The following PRODH2 variants were observed in gnomAD, a reference collection of about 807,000 sequenced individuals.
PRODH2 encodes the protein hydroxyproline dehydrogenase.
PRODH2 carries 49 observed loss-of-function variants against 51.9 expected under a neutral mutation model. The observed-to-expected ratio is 0.94, with a 90% CI of 0.75 to 1.20. PRODH2 has a LOEUF of 1.20. Ranked by LOEUF, PRODH2 falls within the 50% of genes most tolerant of loss-of-function variation. The probability of loss-of-function intolerance (pLI) is 0.00; values close to 1 mark genes in which losing one functional copy is unlikely to be tolerated. For missense variants in PRODH2, 597 were observed against 610.9 expected (o/e 0.98, Z 0.24); for synonymous variants, 249 against 260.7 (o/e 0.96, Z 0.43).
intron 9 of PRODH2, 145 bp downstream of exon 9, chr19:35,802,046 G>C: frequency 1.4e-6 from 1 of 717,228 alleles, no homozygotes; most frequent in South Asian, 1.7e-5. Flanking sequence ...CAGAGACACA[G>C]CCTTGGAAGG....
intron 4 of PRODH2, among the ~76,000 whole-genome samples, chr19:35,811,569 G>A (rs1972612100): frequency 6.6e-6 from 1 of 151,936 alleles, no homozygotes; most frequent in Non-Finnish European, 1.5e-5. Context: ...AAAAAAAGAT[G>A]GAGTAGGGTT....
chr19:35,801,973 AC>A lies in PRODH2; in HGVS notation c.1198+217del, dbSNP rs1279596889. The A allele has an allele frequency of 5.3e-6, 3 of 568,816 alleles. No individual in the cohort carries two copies. In the African/African-American group the frequency reaches 5.6e-5, roughly 11 times the overall value. The allele number at this position is 568,816 out of a possible 1,614,324, so 35.2% of individuals were successfully genotyped here. A position where few individuals can be genotyped will look rare whatever the true frequency, so the allele number is the denominator to read the frequency against. ...CCTGAGGAGCAGCACAGTAAAGATAACAAAACACACAAGAAATAATACACCA... is the reference window on the plus strand; with the variant it reads ...CCTGAGGAGCAGCACAGTAAAGATAAAAAACACACAAGAAATAATACACCA... On this transcript the variant is annotated intron_variant, in intron 9 of 9. Coordinates refer to ENST00000653904, the MANE Select transcript of PRODH2 (RefSeq NM_021232.2).
At chr19:35,802,869 C>T in intron 8 of PRODH2, 99 bp downstream of exon 8, 2 of 842,868 alleles carry the variant, frequency 2.4e-6, no homozygotes, top group Non-Finnish European at 3.6e-6. Flanking sequence ...TAAAATTCTC[C>T]CCAGAACACC....
intron 4 of PRODH2, among the ~76,000 whole-genome samples, chr19:35,808,183 G>A (rs1015625469): frequency 2.0e-5 from 3 of 152,204 alleles, no homozygotes; most frequent in South Asian, 2.1e-4. Flanking sequence ...CAAACACTTC[G>A]GGAGTGGATA....
chr19:35,803,109 G>T, intron 7 of PRODH2, 31 bp from the exon 8 acceptor site: 1 of 1,464,044 alleles, frequency 6.8e-7, no homozygotes, highest in Non-Finnish European at 9.2e-7. Flanking sequence ...CAGCTCACCT[G>T]GTGAGCGAGG....
chr19:35,807,260 G>C, intron 4 of PRODH2, 139 bp from the exon 5 acceptor site: 1 of 791,900 alleles, frequency 1.3e-6, no homozygotes, highest in South Asian at 1.8e-5. Flanking sequence ...ACCACCTACT[G>C]TGTGACCTTG....
chr19:35,812,784 G>A lies in PRODH2; in HGVS notation c.22C>T (p.Leu8Phe), dbSNP rs539737639. The A allele has an allele frequency of 1.2e-6, 2 of 1,602,992 alleles. No individual in the cohort carries two copies. The highest frequency in any genetic ancestry group is 1.3e-5 in the African/African-American group (1 of 74,788). The part of the protein sequence containing the change: MLRTCYV[L>F]CSQAGPPSRG... ...GAGGGGGGACCAGCTTGGGAACAGAGCACGTAACAGGTCCGGAGCATCCTG... is the reference window on the plus strand; with the variant it reads ...GAGGGGGGACCAGCTTGGGAACAGAACACGTAACAGGTCCGGAGCATCCTG... Residue 8 changes from leucine to phenylalanine, a missense_variant, in exon 1 of 10, where the codon CTC (leucine) becomes TTC (phenylalanine). Transcript: ENST00000653904.
At position 35,812,699 on chromosome 19, in the gene PRODH2, T is replaced by A; in HGVS notation, c.107A>T (p.Glu36Val). ...GGAFHLKGTG[E>V]LTRALLVLRL... ...GAGAACCAGCAAGGCCCGTGTCAGC[T>A]CTCCTGTGCCCTTAAGGTGGAAGGC... The change falls in exon 1 of 10, where the codon GAG becomes GTG. Residue 36 changes from glutamate (E) to valine (V), a missense_variant. Coordinates refer to ENST00000653904, the MANE Select transcript of PRODH2 (RefSeq NM_021232.2). The A allele has an allele frequency of 1.2e-6, 2 of 1,609,782 alleles. No homozygotes were observed. The highest frequency in any genetic ancestry group is 1.7e-6 in the Non-Finnish European group (2 of 1,177,222).
intron 4 of PRODH2, among the ~76,000 whole-genome samples, chr19:35,810,161 G>A (rs1972585475): frequency 2.0e-5 from 3 of 148,030 alleles, no homozygotes; most frequent in Admixed American, 6.8e-5. Context: ...CCAGCTACTC[G>A]GGAGGCTGAA....
In PRODH2 at chr19:35,802,172, G is replaced by C. The variant is rs536959909; in HGVS notation, c.1198+19C>G. 16 of 1,610,520 alleles carry C rather than the reference G, an allele frequency of 9.9e-6. No homozygotes were observed. In the East Asian group the frequency reaches 1.1e-4, roughly 11 times the overall value. Reference sequence around the variant, plus strand: ...GTAAGGCCTGGGGCTTGATGGGGGTGGGGGAGCCATTCACATACCCAGTGC... The same window carrying C: ...GTAAGGCCTGGGGCTTGATGGGGGTCGGGGAGCCATTCACATACCCAGTGC... On this transcript the variant is annotated intron_variant, in intron 9 of 9. Coordinates refer to ENST00000653904, the MANE Select transcript of PRODH2 (RefSeq NM_021232.2).
chr19:35,808,657 T>C (rs1347047547), intron 4 of PRODH2, among the ~76,000 whole-genome samples: 1 of 152,036 alleles, frequency 6.6e-6, no homozygotes, highest in Non-Finnish European at 1.5e-5. Context: ...ATTTTCTAGA[T>C]GGGGAAACTG....
Position 35,812,501 on chromosome 19 carries a change from C to A in PRODH2, c.230G>T (p.Arg77Leu). Residue 77 changes from arginine to leucine, a missense_variant, in exon 2 of 10, where the codon CGA (arginine) becomes CTA (leucine). Transcript: ENST00000653904. ...LGSRLSGAFL[R>L]ASVYGQFVAG... ...CACAAACTGCCCATAGACGGATGCT[C>A]GGAGAAATGCGCCTGAGAGCCGGGA... is the stretch of plus-strand genomic sequence containing the variant. 6.2e-7 allele frequency: 1 copy of A among 1,614,198 alleles called. No individual in the cohort carries two copies.
chr19:35,811,936 C>G (rs1473465574), intron 4 of PRODH2, 26 bp downstream of exon 4: 3 of 1,610,112 alleles, frequency 1.9e-6, no homozygotes, highest in South Asian at 1.1e-5. Flanking sequence ...CACTCTGTCC[C>G]CGACAGTCCC....
intron 4 of PRODH2, among the ~76,000 whole-genome samples, chr19:35,807,495 G>C (rs367792884): frequency 1.3e-5 from 2 of 152,122 alleles, no homozygotes; most frequent in South Asian, 4.1e-4. Flanking sequence ...TAGAGACAGG[G>C]TTTAACCATG....
chr19:35,811,115 G>A (rs1199411744), intron 4 of PRODH2, among the ~76,000 whole-genome samples: 2 of 151,970 alleles, frequency 1.3e-5, no homozygotes, highest in African/African-American at 2.4e-5. Flanking sequence ...TAAAGGTGGC[G>A]GGGGCATGGA....
rs997650723 is a variant in PRODH2, at chr19:35,802,040, G to A, written c.1198+151C>T. On this transcript the variant is annotated intron_variant, in intron 9 of 9. Transcript: ENST00000653904. Reference sequence around the variant, plus strand: ...AGAAATGACAGACGGCAGACACAGAGACACAGCCTTGGAAGGCCCACAGAC... The same window carrying A: ...AGAAATGACAGACGGCAGACACAGAAACACAGCCTTGGAAGGCCCACAGAC... 44 of 690,916 alleles carry A rather than the reference G, an allele frequency of 6.4e-5. No homozygotes were observed. The African/African-American group carries it at 6.7e-4, about 11-fold the overall frequency. 42.8% of individuals were successfully genotyped at this position (690,916 alleles called of 1,614,324 possible). A position where few individuals can be genotyped will look rare whatever the true frequency, so the allele number is the denominator to read the frequency against.
In PRODH2 at chr19:35,811,948, C is replaced by T. The variant is rs1054529249; in HGVS notation, c.597+14G>A. The T allele has an allele frequency of 1.7e-5, 27 of 1,613,332 alleles. No homozygotes were observed. The highest frequency in any genetic ancestry group is 2.3e-5 in the Non-Finnish European group (27 of 1,179,438). On this transcript the variant is annotated intron_variant, in intron 4 of 9. Coordinates refer to ENST00000653904, the MANE Select transcript of PRODH2 (RefSeq NM_021232.2). ...AGGCACTCTGTCCCCGACAGTCCCG[C>T]TTGAGATCCTTACCTGCCCAGAGTC...
In PRODH2 at chr19:35,809,958, C is replaced by CAAAAAA. The variant is rs1175392997; in HGVS notation, c.597+1998_597+2003dup. ...TGGGCAACAGAGCCAGATGCCGCTT[C>CAAAAAA]AAAAAAAAAAAAAAAAAAAAAAAAA... On this transcript the variant is annotated intron_variant, in intron 4 of 9. Coordinates refer to ENST00000653904, the MANE Select transcript of PRODH2 (RefSeq NM_021232.2). Among the ~76,000 whole-genome samples the CAAAAAA allele has an allele frequency of 1.0e-3, 13 of 12,822 alleles. 3 individuals are homozygous for CAAAAAA. Among genetic ancestry groups the CAAAAAA allele is most frequent in the African/African-American group, 3.7e-3 (10 of 2,732 alleles). 8.4% of individuals were successfully genotyped at this position (12,822 alleles called of 152,430 possible).
At chr19:35,806,342 C>T (rs1307349046) in intron 7 of PRODH2, 88 bp downstream of exon 7, 6 of 1,520,408 alleles carry the variant, frequency 3.9e-6, no homozygotes, top group Non-Finnish European at 5.4e-6. Context: ...CCTCAGCCTC[C>T]CAAAGCACTG....
Sources: allele counts gnomAD v4.1 joint callset (sites outside exome capture counted in the v4.1 genomes callset), GRCh38; gene constraint gnomAD v4.1.1; transcripts MANE v1.5; gene names NCBI Gene and HGNC (gene_info 2026-07-23, HGNC 2026-07-21).